Variants in USP39 observed in about 807,000 individuals in gnomAD.
USP39 encodes the protein ubiquitin specific peptidase 39, also known as ubiquitin carboxyl-terminal hydrolase 39.
Under a neutral mutation model 66.4 loss-of-function variants are expected in USP39, and 38 were observed. The ratio of observed to expected loss-of-function variants is 0.57; its 90% CI spans 0.44 to 0.75. The LOEUF (loss-of-function observed/expected upper bound fraction) is 0.75, where lower values mean the gene tolerates loss of function less well. Ranked by LOEUF, USP39 falls within the 30% of genes least tolerant of loss-of-function variation. The pLI, the probability that USP39 is intolerant of heterozygous loss-of-function variation, is 0.00. For synonymous variants in USP39, 303 were observed against 274.6 expected, an observed-to-expected ratio of 1.10 and a Z score of -1.02; for missense variants, 608 against 714.4, an observed-to-expected ratio of 0.85 and a Z score of 1.70.
At chr2:85,616,080 C>T, upstream of USP39, 1 of 1,312,984 alleles carries the variant, frequency 7.6e-7, no homozygotes, top group Admixed American at 3.7e-5. Flanking sequence ...GATTTGTCCC[C>T]AGTGGCGACT....
At position 85,647,919 on chromosome 2, in the gene USP39, AC is replaced by A. The variant is rs1558877848; in HGVS notation, c.1564-10del. The A allele has an allele frequency of 6.2e-7, 1 of 1,613,960 alleles. No homozygotes were observed. On this transcript the variant is annotated splice_polypyrimidine_tract_variant and intron_variant, in intron 11 of 12. Transcript: ENST00000323701. ...AGAGCAGACTAACCCAGCTCTTCATACTTTCTGCAGGGGACAGGCAAATGGT... is the reference window on the plus strand; with the variant it reads ...AGAGCAGACTAACCCAGCTCTTCATATTTCTGCAGGGGACAGGCAAATGGT...
intron 2 of USP39, among the ~76,000 whole-genome samples, 160 bp downstream of exon 2, chr2:85,619,449 A>G (rs916276849): frequency 2.6e-5 from 4 of 151,838 alleles, no homozygotes; most frequent in African/African-American, 4.8e-5. Flanking sequence ...TCTTTGATTT[A>G]AAGTGTCAGA....
intron 1 of USP39, among the ~76,000 whole-genome samples, chr2:85,616,769 C>G (rs1175357612): frequency 6.6e-6 from 1 of 151,534 alleles, no homozygotes; most frequent in Middle Eastern, 3.2e-3. Context: ...CCTCTGCCTC[C>G]CCGGTTCAAA....
chr2:85,616,124 T>G, upstream of USP39: 1 of 1,388,624 alleles, frequency 7.2e-7, no homozygotes. Context: ...CCAGCCCCTC[T>G]CCTGATTGGC....
At chr2:85,643,363 G>A (rs1285364318) in intron 10 of USP39, among the ~76,000 whole-genome samples, 7 of 152,086 alleles carry the variant, frequency 4.6e-5, no homozygotes, top group Admixed American at 2.0e-4. Context: ...GGTGGTGGGC[G>A]CCTGTAGTCC....
upstream of USP39, among the ~76,000 whole-genome samples, chr2:85,614,852 C>G (rs1247842928): frequency 6.6e-6 from 1 of 152,190 alleles, no homozygotes; most frequent in East Asian, 1.9e-4. Flanking sequence ...CTAGGAATAC[C>G]TAACTTCCTG....
upstream of USP39, among the ~76,000 whole-genome samples, chr2:85,614,224 A>G (rs1407647534): frequency 6.6e-6 from 1 of 152,166 alleles, no homozygotes. Context: ...TTTATTAAGA[A>G]AGTAAAGTAG....
chr2:85,616,559 T>A, intron 1 of USP39, 96 bp downstream of exon 1: 1 of 94,352 alleles, frequency 1.1e-5, no homozygotes, highest in Non-Finnish European at 1.6e-5. Context: ...GCGCCGGAGT[T>A]GGGGGAGGGG....
chr2:85,632,442 A>G (rs1389438196), intron 6 of USP39, among the ~76,000 whole-genome samples: 1 of 146,328 alleles, frequency 6.8e-6, no homozygotes, highest in Non-Finnish European at 1.5e-5. Flanking sequence ...AGCAAATTTC[A>G]ACTATCTTTT....
At chr2:85,640,173 G>T (rs1676114401) in intron 9 of USP39, among the ~76,000 whole-genome samples, 1 of 152,052 alleles carries the variant, frequency 6.6e-6, no homozygotes, top group Non-Finnish European at 1.5e-5. Context: ...CCCAACCACA[G>T]TGCCCCCTCT....
chr2:85,613,463 G>T (rs1037572618), upstream of USP39, among the ~76,000 whole-genome samples: 1 of 152,142 alleles, frequency 6.6e-6, no homozygotes, highest in African/African-American at 2.4e-5. Flanking sequence ...AGTCAGCCGA[G>T]ATCGAGCCAC....
chr2:85,610,013 GTTTTT>G (rs552989319), upstream of USP39, among the ~76,000 whole-genome samples: 1 of 125,140 alleles, frequency 8.0e-6, no homozygotes, highest in African/African-American at 3.3e-5. Context: ...AGTGTAAGTG[GTTTTT>G]TTTTTTTTTT....
In USP39 at chr2:85,619,296, A is replaced by G. The variant is rs1340071904; in HGVS notation, c.338+7A>G. Reference sequence around the variant, plus strand: ...ACCTGGACACCATTAACAGGTCAGTAGGACAGAGATGCTGAGTATAGCACA... The same window carrying G: ...ACCTGGACACCATTAACAGGTCAGTGGGACAGAGATGCTGAGTATAGCACA... On this transcript the variant is annotated splice_region_variant and intron_variant, in intron 2 of 12. Coordinates refer to ENST00000323701, the MANE Select transcript of USP39 (RefSeq NM_006590.4). 7 of 1,612,744 alleles carry G rather than the reference A, an allele frequency of 4.3e-6. No homozygotes were observed. The highest frequency in any genetic ancestry group is 5.9e-6 in the Non-Finnish European group (7 of 1,179,494).
intron 10 of USP39, among the ~76,000 whole-genome samples, chr2:85,641,334 C>T (rs1676219413): frequency 6.6e-6 from 1 of 152,224 alleles, no homozygotes; most frequent in Non-Finnish European, 1.5e-5. Flanking sequence ...TTTATCTTCT[C>T]TCCTGTTGCT....
chr2:85,614,355 A>G (rs1673771965), upstream of USP39, among the ~76,000 whole-genome samples: 1 of 152,108 alleles, frequency 6.6e-6, no homozygotes, highest in Admixed American at 6.6e-5. Context: ...GCCTACTAAA[A>G]ATACAAAAAT....
chr2:85,621,679 T>C, intron 3 of USP39, 100 bp downstream of exon 3: 1 of 920,566 alleles, frequency 1.1e-6, no homozygotes, highest in Non-Finnish European at 1.6e-6. Flanking sequence ...ATCTAATAAT[T>C]TCTATTTGTT....
chr2:85,637,505 A>T (rs1261779934), intron 8 of USP39, 69 bp downstream of exon 8: 62 of 1,534,782 alleles, frequency 4.0e-5, no homozygotes, highest in Non-Finnish European at 5.0e-5. Flanking sequence ...AGATGAAGAG[A>T]TGCTCAGAGA....
intron 1 of USP39, among the ~76,000 whole-genome samples, chr2:85,617,599 G>A (rs1255859499): frequency 1.3e-5 from 2 of 152,158 alleles, no homozygotes; most frequent in Non-Finnish European, 2.9e-5. Flanking sequence ...TACTCTATAG[G>A]ATGAGGTAGA....
intron 5 of USP39, among the ~76,000 whole-genome samples, chr2:85,628,881 G>A (rs1218547540): frequency 6.6e-6 from 1 of 152,150 alleles, no homozygotes; most frequent in Non-Finnish European, 1.5e-5. Context: ...GTTCTGAGTT[G>A]TCTTCCTTAG....
Sources: gnomAD v4.1 joint callset for allele counts (sites outside exome capture counted in the v4.1 genomes callset) on GRCh38, gnomAD v4.1.1 for gene constraint, MANE v1.5 for transcripts, NCBI Gene and HGNC (gene_info 2026-07-23, HGNC 2026-07-21) for gene names.